The following LDB2 variants were observed in gnomAD, a reference collection of about 807,000 sequenced individuals.
LDB2 encodes LIM domain binding 2.
Under a neutral mutation model 44.3 loss-of-function variants are expected in LDB2, and 12 were observed. The ratio of observed to expected loss-of-function variants is 0.27; its 90% CI spans 0.17 to 0.44. The LOEUF (loss-of-function observed/expected upper bound fraction) is 0.44. LDB2 is among the 20% of genes least tolerant of loss of function. The probability of loss-of-function intolerance (pLI) is 1.00; values close to 1 mark genes in which losing one functional copy is unlikely to be tolerated. For missense variants in LDB2, 344 were observed against 473.5 expected (o/e 0.73, Z 2.54); for synonymous variants, 164 against 174.8 (o/e 0.94, Z 0.49).
intron 2 of LDB2, among the ~76,000 whole-genome samples, chr4:16,729,768 C>A: frequency 6.6e-6 from 1 of 152,118 alleles, no homozygotes; most frequent in East Asian, 1.9e-4. Flanking sequence ...TCCTTTCTCT[C>A]CAGGGAATAG....
intron 1 of LDB2, among the ~76,000 whole-genome samples, chr4:16,843,329 T>C (rs1185055800): frequency 6.6e-6 from 1 of 152,216 alleles, no homozygotes; most frequent in African/African-American, 2.4e-5. Flanking sequence ...TTTCTCTGTG[T>C]ATGCTTCTTA....
intron 5 of LDB2, among the ~76,000 whole-genome samples, chr4:16,572,329 T>C (rs1746851443): frequency 6.6e-6 from 1 of 152,186 alleles, no homozygotes; most frequent in South Asian, 2.1e-4. Flanking sequence ...ATCCCTCGGC[T>C]TTCCCTTAGA....
At chr4:16,879,617 A>T (rs62298196) in intron 1 of LDB2, among the ~76,000 whole-genome samples, 31,371 of 152,112 alleles carry the variant, frequency 0.21, 3,826 homozygotes, top group South Asian at 0.39. Flanking sequence ...TGGAATTTAT[A>T]TCATCAGCTC....
At chr4:16,693,968 A>C (rs1168900469) in intron 2 of LDB2, among the ~76,000 whole-genome samples, 1 of 152,178 alleles carries the variant, frequency 6.6e-6, no homozygotes, top group Non-Finnish European at 1.5e-5. Flanking sequence ...AATCATTCAA[A>C]CTTTCAACAG....
intron 2 of LDB2, among the ~76,000 whole-genome samples, chr4:16,739,676 G>GTATATATA (rs1403329726): frequency 1.9e-5 from 1 of 52,200 alleles, no homozygotes; most frequent in African/African-American, 7.1e-5. Flanking sequence ...ATATACATAT[G>GTATATATA]TGTGTATATA....
At chr4:16,579,466 T>C (rs1428294495) in intron 5 of LDB2, among the ~76,000 whole-genome samples, 1 of 152,112 alleles carries the variant, frequency 6.6e-6, no homozygotes, top group Admixed American at 6.5e-5. Flanking sequence ...ATAATGAAAA[T>C]ACCATAATGA....
chr4:16,799,725 C>T (rs567281385), intron 1 of LDB2, among the ~76,000 whole-genome samples: 1 of 152,322 alleles, frequency 6.6e-6, no homozygotes, highest in East Asian at 1.9e-4. Context: ...TACACAGCTA[C>T]ACCTTTTGCT....
intron 5 of LDB2, among the ~76,000 whole-genome samples, chr4:16,524,790 A>T (rs1727596446): frequency 1.3e-5 from 2 of 152,194 alleles, no homozygotes; most frequent in Non-Finnish European, 2.9e-5. Context: ...TTGGTGAAAC[A>T]AAGCACCAAA....
At chr4:16,813,841 A>C (rs1780361948) in intron 1 of LDB2, among the ~76,000 whole-genome samples, 1 of 150,834 alleles carries the variant, frequency 6.6e-6, no homozygotes, top group Non-Finnish European at 1.5e-5. Context: ...TAAAGGGGCT[A>C]CCCACAGGGA....
At chr4:16,570,252 A>T (rs1360769468) in intron 5 of LDB2, among the ~76,000 whole-genome samples, 3 of 151,822 alleles carry the variant, frequency 2.0e-5, no homozygotes, top group African/African-American at 7.3e-5. Context: ...TCACGAGGTC[A>T]GGAGATCGAG....
At chr4:16,818,620 A>C (rs1781377738) in intron 1 of LDB2, among the ~76,000 whole-genome samples, 1 of 152,208 alleles carries the variant, frequency 6.6e-6, no homozygotes, top group African/African-American at 2.4e-5. Flanking sequence ...ATGACCACCT[A>C]CCAGGGCTAT....
intron 5 of LDB2, among the ~76,000 whole-genome samples, chr4:16,571,459 A>T (rs1205730392): frequency 6.6e-6 from 1 of 151,908 alleles, no homozygotes; most frequent in Non-Finnish European, 1.5e-5. Flanking sequence ...TCGGCAAAAA[A>T]AAAAAAGCCT....
chr4:16,745,145 G>T (rs1764133937), intron 2 of LDB2, among the ~76,000 whole-genome samples: 1 of 152,180 alleles, frequency 6.6e-6, no homozygotes. Flanking sequence ...CCTTTAAAGT[G>T]AGGGGTTATG....
chr4:16,790,148 G>A (rs1775390927), intron 1 of LDB2, among the ~76,000 whole-genome samples: 1 of 152,182 alleles, frequency 6.6e-6, no homozygotes, highest in Non-Finnish European at 1.5e-5. Flanking sequence ...CAGACACTGA[G>A]TGCTTATAGG....
intron 1 of LDB2, among the ~76,000 whole-genome samples, chr4:16,775,181 T>C (rs1771621380): frequency 6.6e-6 from 1 of 152,230 alleles, no homozygotes. Flanking sequence ...TACCTCACTC[T>C]TAATTGTGAG....
At chr4:16,654,917 A>T (rs940694664) in intron 2 of LDB2, among the ~76,000 whole-genome samples, 6 of 152,194 alleles carry the variant, frequency 3.9e-5, no homozygotes, top group African/African-American at 1.4e-4. Context: ...TCAGAATCCC[A>T]AAGATGTGAA....
chr4:16,627,958 A>G (rs1730763089), intron 2 of LDB2, among the ~76,000 whole-genome samples: 2 of 152,108 alleles, frequency 1.3e-5, no homozygotes, highest in Admixed American at 1.3e-4. Context: ...CAACGTGCAC[A>G]TGGGGTTTAT....
chr4:16,597,330 T>C (rs1424903578), intron 2 of LDB2, among the ~76,000 whole-genome samples: 2 of 152,170 alleles, frequency 1.3e-5, no homozygotes, highest in East Asian at 3.9e-4. Context: ...TTTTCGGTGA[T>C]TCCATCCTAG....
At chr4:16,836,604 T>C (rs1784920003) in intron 1 of LDB2, among the ~76,000 whole-genome samples, 2 of 152,162 alleles carry the variant, frequency 1.3e-5, no homozygotes, top group African/African-American at 4.8e-5. Flanking sequence ...TATCAGAGCC[T>C]TCCCTCCTTC....
Sources: gnomAD v4.1 joint callset for allele counts (sites outside exome capture counted in the v4.1 genomes callset) on GRCh38, gnomAD v4.1.1 for gene constraint, MANE v1.5 for transcripts, NCBI Gene and HGNC (gene_info 2026-07-23, HGNC 2026-07-21) for gene names.